Variants in PRMT9 observed in about 807,000 individuals in gnomAD.
PRMT9 encodes the protein protein arginine N-methyltransferase 9.
In PRMT9, 59 loss-of-function variants were observed where a neutral mutation model predicts 83.2. The observed-to-expected ratio is 0.71, with a 90% CI of 0.57 to 0.88. The LOEUF (loss-of-function observed/expected upper bound fraction) is 0.88. PRMT9 is among the 40% of genes least tolerant of loss of function. PRMT9 has a pLI of 0.00. For synonymous variants in PRMT9, 333 were observed against 353.2 expected (o/e 0.94, Z 0.64); for missense variants, 947 against 1,021.9 (o/e 0.93, Z 1.00).
intron 7 of PRMT9, among the ~76,000 whole-genome samples, chr4:147,660,112 A>C (rs758402590): frequency 6.6e-6 from 1 of 152,232 alleles, no homozygotes; most frequent in African/African-American, 2.4e-5. Context: ...AGCATGATAT[A>C]GAGATAAGTC....
chr4:147,669,307 T>C (rs942811311), intron 5 of PRMT9, among the ~76,000 whole-genome samples: 2 of 151,820 alleles, frequency 1.3e-5, no homozygotes, highest in Non-Finnish European at 2.9e-5. Context: ...GCCCGGGAGT[T>C]TGAGGCTGCA....
chr4:147,672,591 A>G (rs1256506293), intron 4 of PRMT9, among the ~76,000 whole-genome samples: 3 of 152,276 alleles, frequency 2.0e-5, no homozygotes, highest in Non-Finnish European at 2.9e-5. Context: ...ACAAAATGTG[A>G]TAAGTCCATT....
In PRMT9 at chr4:147,639,403, G is replaced by A. The variant is rs1012373757; in HGVS notation, c.2200-321C>T. 18 of 275,832 alleles carry A rather than the reference G, an allele frequency of 6.5e-5. 1 individual carries two copies. In the South Asian group the frequency reaches 7.9e-4, roughly 12 times the overall value. The allele number at this position is 275,832 out of a possible 1,614,324, so 17.1% of individuals were successfully genotyped here. On this transcript the variant is annotated intron_variant, in intron 10 of 11. Coordinates refer to ENST00000322396, the MANE Select transcript of PRMT9 (RefSeq NM_138364.4). ...ATTAAATTTTTTCTTAAGCCAAACA[G>A]CTCTAAAATTTTTAACCCAAGGATT... is the stretch of plus-strand genomic sequence containing the variant.
intron 6 of PRMT9, among the ~76,000 whole-genome samples, chr4:147,667,197 CTTA>C (rs1368056440): frequency 6.6e-6 from 1 of 152,120 alleles, no homozygotes; most frequent in Non-Finnish European, 1.5e-5. Context: ...CCAGTAATTC[CTTA>C]TTAAGGAATT....
intron 2 of PRMT9, among the ~76,000 whole-genome samples, chr4:147,678,340 C>T (rs771470383): frequency 2.0e-5 from 3 of 152,164 alleles, no homozygotes; most frequent in East Asian, 1.9e-4. Flanking sequence ...TAAATTCCTA[C>T]GAATGTGAGC....
At chr4:147,656,828 A>C (rs971477273) in intron 8 of PRMT9, among the ~76,000 whole-genome samples, 3 of 149,424 alleles carry the variant, frequency 2.0e-5, no homozygotes, top group African/African-American at 7.3e-5. Flanking sequence ...AGGTCTTGCT[A>C]TGTTGCCCAG....
At chr4:147,676,953 A>G (rs964319248) in intron 2 of PRMT9, among the ~76,000 whole-genome samples, 3 of 151,846 alleles carry the variant, frequency 2.0e-5, no homozygotes, top group Admixed American at 6.6e-5. Context: ...CTGAGGCATG[A>G]AAATTGCTTG....
At position 147,670,708 on chromosome 4, in the gene PRMT9, C is replaced by A. The variant is rs886142187; in HGVS notation, c.779G>T (p.Gly260Val). The change falls in exon 5 of 12, where the codon GGT becomes GTT. Residue 260 changes from glycine (G) to valine (V), a missense_variant. Physicochemically the swap from Gly to Val is moderately radical, Grantham distance 109 (BLOSUM62 -3). Transcript: ENST00000322396. ...CTCCACAATTCCTTCTCCAAATAAA[C>A]CTGCATCGACAGTTTCTGTTACAAC... ...SLVVTETVDA[G>V]LFGEGIVESL... The A allele has an allele frequency of 6.8e-6, 11 of 1,613,266 alleles. No homozygotes were observed. The highest frequency in any genetic ancestry group is 9.3e-6 in the Non-Finnish European group (11 of 1,179,424).
In PRMT9 at chr4:147,638,677, A is replaced by G. The variant is rs764121997; in HGVS notation, c.2393T>C (p.Ile798Thr). 4 of 1,613,742 alleles carry G rather than the reference A, an allele frequency of 2.5e-6. No homozygotes were observed. The highest frequency in any genetic ancestry group is 4.5e-5 in the East Asian group (2 of 44,846). Residue 798 changes from isoleucine to threonine, a missense_variant, in exon 12 of 12, where the codon ATT (isoleucine) becomes ACT (threonine). Coordinates refer to ENST00000322396, the MANE Select transcript of PRMT9 (RefSeq NM_138364.4). ...GGCTTCACTTGAAGTATCCAACCTA[A>G]TCTCTTCATCAAGGTACATATGATA... ...FWYHMYLDEE[I>T]RLDTSSEASH...
Position 147,683,838 on chromosome 4 carries a change from G to T in PRMT9, c.150C>A (p.Leu50=), listed in dbSNP as rs754596954. ...DFGTAYAHYL[L]VLSLAPELKH... ...TCAGCTCCGGCGCCAGGCTGAGCAC[G>T]AGGAGGTAGTGGGCATAGGCAGTGC... Residue 50 remains leucine (L), a synonymous_variant, in exon 1 of 12, where the codon CTC becomes CTA. Transcript: ENST00000322396. The T allele has an allele frequency of 2.9e-5, 46 of 1,612,274 alleles. 1 individual carries two copies. The South Asian group carries it at 5.1e-4, about 18-fold the overall frequency.
chr4:147,679,727 G>T (rs1036627259), intron 2 of PRMT9, among the ~76,000 whole-genome samples: 5 of 152,148 alleles, frequency 3.3e-5, no homozygotes, highest in African/African-American at 1.2e-4. Flanking sequence ...TCCAGCCTGG[G>T]CTACAAAGTG....
At chr4:147,658,986 T>C (rs977242202) in intron 7 of PRMT9, among the ~76,000 whole-genome samples, 13 of 152,188 alleles carry the variant, frequency 8.5e-5, no homozygotes, top group South Asian at 4.1e-4. Flanking sequence ...GAGACCATCC[T>C]GGCTAACACG....
chr4:147,659,579 C>CTTTT (rs33942571), intron 7 of PRMT9, among the ~76,000 whole-genome samples: 16,487 of 121,446 alleles, frequency 0.14, 2,004 homozygotes, highest in Middle Eastern at 0.17. Flanking sequence ...ACTTTCTTTT[C>CTTTT]TTTTTTTTTT....
At chr4:147,666,773 T>C (rs1051596676) in intron 6 of PRMT9, among the ~76,000 whole-genome samples, 1 of 151,732 alleles carries the variant, frequency 6.6e-6, no homozygotes, top group Non-Finnish European at 1.5e-5. Context: ...CACATTTATT[T>C]TGTCAACACC....
chr4:147,640,247 A>G (rs1280527371), intron 10 of PRMT9, among the ~76,000 whole-genome samples: 1 of 150,962 alleles, frequency 6.6e-6, no homozygotes, highest in Non-Finnish European at 1.5e-5. Flanking sequence ...TAATATTTGT[A>G]TTTTTTGTAG....
At chr4:147,644,175 C>T (rs150504784) in intron 9 of PRMT9, among the ~76,000 whole-genome samples, 33 of 152,142 alleles carry the variant, frequency 2.2e-4, no homozygotes, top group Non-Finnish European at 4.4e-4. Context: ...GGAGTAAAGA[C>T]ACATTGTATC....
At position 147,661,055 on chromosome 4, in the gene PRMT9, T is replaced by C. The variant is rs1560986308; in HGVS notation, c.954-17A>G. The C allele has an allele frequency of 2.6e-6, 4 of 1,548,852 alleles. No individual in the cohort carries two copies. The highest frequency in any genetic ancestry group is 3.6e-6 in the Non-Finnish European group (4 of 1,121,116). On this transcript the variant is annotated splice_polypyrimidine_tract_variant and intron_variant, in intron 6 of 11. Transcript: ENST00000322396. ...ATACCCACTCTGGAGAGAGAGAAAATAGGGGAGGGGTAGGAAGATGGATTT... is the reference window on the plus strand; with the variant it reads ...ATACCCACTCTGGAGAGAGAGAAAACAGGGGAGGGGTAGGAAGATGGATTT...
chr4:147,664,711 G>A (rs947589032), intron 6 of PRMT9, among the ~76,000 whole-genome samples: 1 of 151,938 alleles, frequency 6.6e-6, no homozygotes, highest in African/African-American at 2.4e-5. Context: ...CTAGATGATG[G>A]GTTGATAGGT....
At chr4:147,655,525 A>C (rs1734426123) in intron 8 of PRMT9, among the ~76,000 whole-genome samples, 2 of 152,050 alleles carry the variant, frequency 1.3e-5, no homozygotes, top group African/African-American at 4.8e-5. Flanking sequence ...TAACCCTGGA[A>C]CCAGTTGAAA....
Sources: allele counts gnomAD v4.1 joint callset (sites outside exome capture counted in the v4.1 genomes callset), GRCh38; gene constraint gnomAD v4.1.1; transcripts MANE v1.5; gene names NCBI Gene and HGNC (gene_info 2026-07-23, HGNC 2026-07-21).